ADAMTS12: variants seen among roughly 807,000 people sequenced by gnomAD.
ADAMTS12 encodes A disintegrin and metalloproteinase with thrombospondin motifs 12.
ADAMTS12 carries 118 observed loss-of-function variants against 167.8 expected under a neutral mutation model. The ratio of observed to expected loss-of-function variants is 0.70; its 90% confidence interval spans 0.61 to 0.82. The LOEUF (loss-of-function observed/expected upper bound fraction) is 0.82. ADAMTS12 is among the 40% of genes least tolerant of loss of function. The probability of loss-of-function intolerance (pLI) is 0.00; values close to 1 mark genes in which losing one functional copy is unlikely to be tolerated. For synonymous variants in ADAMTS12, 704 were observed against 716.9 expected, an observed-to-expected ratio of 0.98 and a Z score of 0.29; for missense variants, 1,916 against 1,998.8, an observed-to-expected ratio of 0.96 and a Z score of 0.79.
intron 2 of ADAMTS12, among the ~76,000 whole-genome samples, chr5:33,800,898 A>G (rs1304340550): frequency 1.3e-5 from 2 of 152,224 alleles, no homozygotes; most frequent in African/African-American, 4.8e-5. Flanking sequence ...AACAACCAAA[A>G]AAAGGATTTT....
chr5:33,713,278 G>C (rs377189638), intron 3 of ADAMTS12, among the ~76,000 whole-genome samples: 2 of 152,124 alleles, frequency 1.3e-5, no homozygotes, highest in African/African-American at 2.4e-5. Flanking sequence ...GTCAGCAATA[G>C]CAGGAGTGCT....
At chr5:33,592,883 T>C (rs1186000608) in intron 17 of ADAMTS12, among the ~76,000 whole-genome samples, 3 of 152,214 alleles carry the variant, frequency 2.0e-5, no homozygotes, top group African/African-American at 4.8e-5. Flanking sequence ...GGAAATTCGG[T>C]GACAGAAGAA....
intron 16 of ADAMTS12, among the ~76,000 whole-genome samples, chr5:33,610,835 G>A (rs1190700940): frequency 1.3e-5 from 2 of 152,200 alleles, no homozygotes; most frequent in Non-Finnish European, 2.9e-5. Context: ...GGGAGGCTGA[G>A]GCAGGTGGAT....
At position 33,798,532 on chromosome 5, in the gene ADAMTS12, C is replaced by G. The variant is rs545432088; in HGVS notation, c.490-46984G>C. Among the ~76,000 whole-genome samples, 109 of 151,268 alleles carry G rather than the reference C, an allele frequency of 7.2e-4. 1 individual carries two copies. Among genetic ancestry groups the G allele is most frequent in the Admixed American group, 2.2e-3 (34 of 15,176 alleles). On this transcript the variant is annotated intron_variant, in intron 2 of 23. Transcript: ENST00000504830. ...CTCGGCTCACTGCAATCTCCGCCTC[C>G]CGGGTTTAAGTGATTCTCCCACCTC...
At chr5:33,877,079 C>T (rs2111758726) in intron 2 of ADAMTS12, among the ~76,000 whole-genome samples, 1 of 152,126 alleles carries the variant, frequency 6.6e-6, no homozygotes, top group Admixed American at 6.5e-5. Context: ...GCTGGATGGC[C>T]CTTGAGAGAT....
At chr5:33,740,932 A>G (rs1744550417) in intron 3 of ADAMTS12, among the ~76,000 whole-genome samples, 1 of 152,216 alleles carries the variant, frequency 6.6e-6, no homozygotes, top group Non-Finnish European at 1.5e-5. Context: ...GACTTCACTT[A>G]TAAAGCGGAC....
intron 22 of ADAMTS12, among the ~76,000 whole-genome samples, chr5:33,543,880 T>C (rs978783425): frequency 4.5e-4 from 69 of 152,060 alleles, no homozygotes; most frequent in Non-Finnish European, 5.9e-5. Context: ...TAAGAGCTAT[T>C]TATGACAAAC....
intron 19 of ADAMTS12, among the ~76,000 whole-genome samples, chr5:33,572,420 C>T (rs1394924776): frequency 1.3e-5 from 2 of 151,764 alleles, no homozygotes; most frequent in Non-Finnish European, 2.9e-5. Flanking sequence ...GGGCTTCATC[C>T]CTGGGATGCA....
chr5:33,542,421 T>C (rs934797247), intron 22 of ADAMTS12, among the ~76,000 whole-genome samples: 1 of 152,042 alleles, frequency 6.6e-6, no homozygotes, highest in Non-Finnish European at 1.5e-5. Flanking sequence ...ATGGGAGACT[T>C]TAACACCCCA....
At chr5:33,728,322 T>C (rs139237901) in intron 3 of ADAMTS12, among the ~76,000 whole-genome samples, 2 of 152,130 alleles carry the variant, frequency 1.3e-5, no homozygotes, top group African/African-American at 2.4e-5. Context: ...TGTCAGAGCA[T>C]TGGACACGAA....
At chr5:33,762,581 G>A (rs1174665033) in intron 2 of ADAMTS12, among the ~76,000 whole-genome samples, 1 of 151,962 alleles carries the variant, frequency 6.6e-6, no homozygotes, top group Non-Finnish European at 1.5e-5. Context: ...AATAACCCAC[G>A]TACAGAGAAA....
intron 19 of ADAMTS12, among the ~76,000 whole-genome samples, chr5:33,571,870 AAGAG>A (rs1397495503): frequency 6.6e-6 from 1 of 152,096 alleles, no homozygotes; most frequent in Non-Finnish European, 1.5e-5. Context: ...TAAAGAAAAA[AAGAG>A]AGAAGAATCA....
chr5:33,639,740 C>T (rs1300157943), intron 11 of ADAMTS12, among the ~76,000 whole-genome samples: 2 of 152,104 alleles, frequency 1.3e-5, no homozygotes, highest in African/African-American at 4.8e-5. Context: ...GAACTCAAAT[C>T]CTGGCAGTCT....
chr5:33,570,353 C>T (rs1746260087), intron 19 of ADAMTS12, among the ~76,000 whole-genome samples: 1 of 152,242 alleles, frequency 6.6e-6, no homozygotes, highest in South Asian at 2.1e-4. Flanking sequence ...AGAGAAAGGT[C>T]GGGTTACCCA....
chr5:33,566,794 G>A (rs1291776144), intron 19 of ADAMTS12, among the ~76,000 whole-genome samples: 1 of 152,178 alleles, frequency 6.6e-6, no homozygotes, highest in African/African-American at 2.4e-5. Context: ...GTTTGGCCAT[G>A]AGACCTAGTT....
At chr5:33,621,756 C>T (rs1739341229) in intron 14 of ADAMTS12, among the ~76,000 whole-genome samples, 1 of 152,190 alleles carries the variant, frequency 6.6e-6, no homozygotes, top group Non-Finnish European at 1.5e-5. Context: ...AATGCTGGTC[C>T]ATGTCTGATC....
At chr5:33,751,124 T>G (rs1744959112) in intron 3 of ADAMTS12, 4 of 494,966 alleles carry the variant, frequency 8.1e-6, no homozygotes, top group Admixed American at 3.7e-5. Flanking sequence ...AAATGTCTTA[T>G]GAGCATCATC....
At chr5:33,775,761 C>T (rs936522816) in intron 2 of ADAMTS12, among the ~76,000 whole-genome samples, 2 of 152,186 alleles carry the variant, frequency 1.3e-5, no homozygotes, top group African/African-American at 2.4e-5. Flanking sequence ...AGACCCTCCA[C>T]GTGGGGTGCT....
At chr5:33,553,099 C>A (rs901767041) in intron 20 of ADAMTS12, among the ~76,000 whole-genome samples, 8 of 151,998 alleles carry the variant, frequency 5.3e-5, no homozygotes, top group South Asian at 2.1e-4. Context: ...ACGCGGTCAA[C>A]AATCACATGA....
Sources: gnomAD v4.1 joint callset for allele counts (sites outside exome capture counted in the v4.1 genomes callset) on GRCh38, gnomAD v4.1.1 for gene constraint, MANE v1.5 for transcripts, NCBI Gene and HGNC (gene_info 2026-07-23, HGNC 2026-07-21) for gene names.